Variants in RYR2 observed in about 807,000 individuals in gnomAD.
The protein encoded by RYR2 is cardiac muscle ryanodine receptor-calcium release channel.
Under a neutral mutation model 601.1 loss-of-function variants are expected in RYR2, and 227 were observed. The ratio of observed to expected loss-of-function variants is 0.38; its 90% CI spans 0.34 to 0.42. The LOEUF is 0.42. Ranked by LOEUF, RYR2 falls within the 10% of genes least tolerant of loss-of-function variation. The pLI is 1.00. For synonymous variants in RYR2, 2,223 were observed against 2,175.1 expected (o/e 1.02, Z -0.61); for missense variants, 4,646 against 6,156.5 (o/e 0.75, Z 8.21).
intron 35 of RYR2, among the ~76,000 whole-genome samples, chr1:237,604,997 G>A (rs2148529357): frequency 1.3e-5 from 2 of 152,172 alleles, no homozygotes; most frequent in East Asian, 3.9e-4. Context: ...AGAGGTACAA[G>A]GAGGAGCTGG....
At chr1:237,811,436 G>A (rs1370688942) in intron 100 of RYR2, among the ~76,000 whole-genome samples, 1 of 152,088 alleles carries the variant, frequency 6.6e-6, no homozygotes, top group African/African-American at 2.4e-5. Flanking sequence ...CTTTAAACAA[G>A]TATTCTTTTA....
In RYR2 at chr1:237,454,457, C is replaced by T. The variant is rs3765097; in HGVS notation, c.1359C>T (p.Ser453=). 0.59 allele frequency: 957,259 copies of T among 1,613,098 alleles called. 288,745 individuals carry two copies. Among genetic ancestry groups the T allele is most frequent in the East Asian group, 0.77 (34,502 of 44,830 alleles). The part of the protein sequence containing the change: ...STVDLPIESV[S]LSLQDLIGYF... ...TCGATTTGCCTATAGAGTCCGTAAG[C>T]CTAAGTCTGCAGGATCTCATTGGCT... is the stretch of plus-strand genomic sequence containing the variant. The change falls in exon 15 of 105, where the codon AGC becomes AGT. Residue 453 remains serine, a synonymous_variant. Transcript: ENST00000366574.
At chr1:237,253,282 C>T (rs1417402060) in intron 1 of RYR2, among the ~76,000 whole-genome samples, 1 of 151,900 alleles carries the variant, frequency 6.6e-6, no homozygotes, top group Non-Finnish European at 1.5e-5. Context: ...GATGAAGTGA[C>T]AGGTGAGTTA....
intron 24 of RYR2, among the ~76,000 whole-genome samples, chr1:237,523,565 T>C (rs1324835519): frequency 1.3e-5 from 2 of 151,954 alleles, no homozygotes; most frequent in Non-Finnish European, 2.9e-5. Flanking sequence ...TGAAACTCCA[T>C]CTCTACTAAA....
At chr1:237,625,592 G>A (rs1380252963) in intron 39 of RYR2, 69 bp from the exon 40 acceptor site, 3 of 1,471,532 alleles carry the variant, frequency 2.0e-6, no homozygotes, top group Non-Finnish European at 2.8e-6. Context: ...AAATTACAAG[G>A]CCTCAGAATT....
At chr1:237,263,986 G>C (rs1688783667) in intron 1 of RYR2, among the ~76,000 whole-genome samples, 1 of 152,042 alleles carries the variant, frequency 6.6e-6, no homozygotes, top group East Asian at 1.9e-4. Context: ...TTTAGATAGG[G>C]CGACCGTGGA....
rs558207974 is a variant in RYR2 at position 237,810,372 on chromosome 1, G to A, written c.14433+1337G>A. On this transcript the variant is annotated intron_variant, in intron 100 of 104. Coordinates refer to ENST00000366574, the MANE Select transcript of RYR2 (RefSeq NM_001035.3). ...AGTGGGCTTGCAAATTTGAAAAGACGCTCAGCCTCTGTCAAAGTGAAAGAA... is the reference window on the plus strand; with the variant it reads ...AGTGGGCTTGCAAATTTGAAAAGACACTCAGCCTCTGTCAAAGTGAAAGAA... Among the ~76,000 whole-genome samples, 33 of 152,172 alleles carry A rather than the reference G, an allele frequency of 2.2e-4. No homozygotes were observed. The South Asian group carries it at 5.2e-3, about 24-fold the overall frequency.
chr1:237,444,794 C>G (rs559754022), intron 13 of RYR2, among the ~76,000 whole-genome samples: 5 of 152,048 alleles, frequency 3.3e-5, no homozygotes, highest in Non-Finnish European at 5.9e-5. Flanking sequence ...ATAGAAAGTT[C>G]AAAAACAAAA....
At chr1:237,080,918 G>A (rs1665537093) in intron 1 of RYR2, among the ~76,000 whole-genome samples, 1 of 44,032 alleles carries the variant, frequency 2.3e-5, no homozygotes. Context: ...AAGAAAATGT[G>A]GCACATATAC....
At chr1:237,155,194 T>TG (rs1472936758) in intron 1 of RYR2, among the ~76,000 whole-genome samples, 1 of 149,852 alleles carries the variant, frequency 6.7e-6, no homozygotes, top group Non-Finnish European at 1.5e-5. Flanking sequence ...TTTTTTTTTT[T>TG]TGACAGAGTC....
intron 1 of RYR2, among the ~76,000 whole-genome samples, chr1:237,184,042 A>G (rs1420167450): frequency 6.6e-6 from 1 of 152,158 alleles, no homozygotes; most frequent in East Asian, 1.9e-4. Flanking sequence ...TAATGACATA[A>G]TCCTTTCCGC....
chr1:237,492,790 C>G (rs1663508303), intron 18 of RYR2, among the ~76,000 whole-genome samples, 164 bp from the exon 19 acceptor site: 1 of 143,344 alleles, frequency 7.0e-6, no homozygotes, highest in East Asian at 2.0e-4. Context: ...CATCACTGCA[C>G]TTCAGCCTGG....
chr1:237,572,720 T>C (rs1000529623), intron 29 of RYR2, among the ~76,000 whole-genome samples: 1 of 152,166 alleles, frequency 6.6e-6, no homozygotes, highest in African/African-American at 2.4e-5. Context: ...ATAAGCTTTA[T>C]GTAGCAATAA....
intron 60 of RYR2, among the ~76,000 whole-genome samples, chr1:237,676,905 A>T (rs1423373321): frequency 6.6e-6 from 1 of 152,092 alleles, no homozygotes; most frequent in African/African-American, 2.4e-5. Context: ...TGTGTTCAAA[A>T]TTTTCTCTTG....
In RYR2 at chr1:237,611,063, G is replaced by A. The variant is rs1573105994; in HGVS notation, c.4910+75G>A. On this transcript the variant is annotated intron_variant, in intron 36 of 104. Coordinates refer to ENST00000366574, the MANE Select transcript of RYR2 (RefSeq NM_001035.3). ...CCTGCTGCCCGGGGCTTCCGGTAGT[G>A]GTGCGGGGCAGGGGTGGTTCTAAAG... is the stretch of plus-strand genomic sequence containing the variant. The A allele has an allele frequency of 1.0e-5, 13 of 1,290,816 alleles. No homozygotes were observed. The East Asian group carries it at 2.5e-4, about 25-fold the overall frequency. 80.0% of individuals were successfully genotyped at this position (1,290,816 alleles called of 1,614,324 possible).
chr1:237,730,427 C>A, intron 77 of RYR2, 71 bp downstream of exon 77: 1 of 763,658 alleles, frequency 1.3e-6, no homozygotes, highest in South Asian at 1.6e-5. Flanking sequence ...CGTGAGCAGT[C>A]ATTATATAAC....
At chr1:237,219,010 ATTT>A (rs754644450) in intron 1 of RYR2, among the ~76,000 whole-genome samples, 6 of 121,708 alleles carry the variant, frequency 4.9e-5, no homozygotes, top group Non-Finnish European at 5.0e-5. Flanking sequence ...CTTATACTTG[ATTT>A]TTTTTTTTTT....
intron 25 of RYR2, among the ~76,000 whole-genome samples, chr1:237,542,163 G>A (rs1334000997): frequency 6.6e-6 from 1 of 151,546 alleles, no homozygotes; most frequent in Non-Finnish European, 1.5e-5. Context: ...GCGCCATCTC[G>A]GCTCACCGCA....
At chr1:237,349,304 T>C (rs1698558512) in intron 3 of RYR2, among the ~76,000 whole-genome samples, 1 of 152,168 alleles carries the variant, frequency 6.6e-6, no homozygotes, top group African/African-American at 2.4e-5. Context: ...ATATCTTTAA[T>C]GTTGTGAGGA....
Sources: gnomAD v4.1 joint callset for allele counts (sites outside exome capture counted in the v4.1 genomes callset) on GRCh38, gnomAD v4.1.1 for gene constraint, MANE v1.5 for transcripts, NCBI Gene and HGNC (gene_info 2026-07-23, HGNC 2026-07-21) for gene names.